Variants in NRDC observed in about 807,000 individuals in gnomAD.
NRDC encodes the protein nardilysin convertase.
In NRDC, 54 loss-of-function variants were observed where a neutral mutation model predicts 147.1. The observed-to-expected ratio is 0.37, with a 90% CI of 0.29 to 0.46. The LOEUF is 0.46. NRDC is among the 20% of genes least tolerant of loss of function. NRDC has a pLI of 1.00. For synonymous variants in NRDC, 440 were observed against 482.1 expected (o/e 0.91, Z 1.14); for missense variants, 1,082 against 1,370.6 (o/e 0.79, Z 3.33).
intron 3 of NRDC, 98 bp downstream of exon 3, chr1:51,836,033 T>C (rs966896884): frequency 1.1e-6 from 1 of 918,906 alleles, no homozygotes; most frequent in African/African-American, 1.7e-5. Flanking sequence ...AAATATATCA[T>C]ACTTCTGTCA....
chr1:51,832,194 A>G (rs1166170878), intron 4 of NRDC, among the ~76,000 whole-genome samples: 1 of 151,648 alleles, frequency 6.6e-6, no homozygotes, highest in Non-Finnish European at 1.5e-5. Context: ...TTACACGCAC[A>G]TGCTACCAAG....
At chr1:51,878,068 C>G in intron 1 of NRDC, 1 of 1,410,238 alleles carries the variant, frequency 7.1e-7, no homozygotes, top group African/African-American at 1.4e-5. Flanking sequence ...CCCATTCTGA[C>G]GTCTTACAAC....
rs528387794 is a variant in NRDC at position 51,801,977 on chromosome 1, C to A, written c.2314-1294G>T. Reference sequence around the variant, plus strand: ...AAATTTTTTGTATCTTTAGTAGAGACGGGGTTTCACTGTGTTAGCCAGGAT... The same window carrying A: ...AAATTTTTTGTATCTTTAGTAGAGAAGGGGTTTCACTGTGTTAGCCAGGAT... On this transcript the variant is annotated intron_variant, in intron 20 of 30. Coordinates refer to ENST00000352171, the MANE Select transcript of NRDC (RefSeq NM_001101662.2). 3.9e-5 allele frequency among the ~76,000 whole-genome samples: 6 copies of A among 152,142 alleles called. No individual in the cohort carries two copies. The East Asian group carries it at 1.2e-3, about 29-fold the overall frequency.
intron 1 of NRDC, among the ~76,000 whole-genome samples, chr1:51,854,967 G>C (rs1446624142): frequency 6.6e-6 from 1 of 152,172 alleles, no homozygotes; most frequent in Non-Finnish European, 1.5e-5. Context: ...TTCTTTCTGA[G>C]GGGCCTGGAG....
intron 1 of NRDC, among the ~76,000 whole-genome samples, chr1:51,855,209 C>T (rs1682173583): frequency 6.6e-6 from 1 of 152,096 alleles, no homozygotes; most frequent in Non-Finnish European, 1.5e-5. Flanking sequence ...TTTACCACTG[C>T]CTTTAAAAAC....
chr1:51,841,355 T>C (rs1426672909), intron 1 of NRDC, among the ~76,000 whole-genome samples: 1 of 152,144 alleles, frequency 6.6e-6, no homozygotes, highest in Non-Finnish European at 1.5e-5. Flanking sequence ...TTGTGTAGGC[T>C]AGAGTGCAGT....
chr1:51,839,729 A>G (rs1681172406), intron 2 of NRDC, among the ~76,000 whole-genome samples: 1 of 152,132 alleles, frequency 6.6e-6, no homozygotes. Context: ...ATCAAACTCA[A>G]TTATCTAATT....
chr1:51,836,039 T>G (rs1020116959), intron 3 of NRDC, 92 bp downstream of exon 3: 2 of 967,666 alleles, frequency 2.1e-6, no homozygotes, highest in Admixed American at 4.3e-5. Context: ...ATCATACTTC[T>G]GTCAAATCAC....
chr1:51,790,463 A>G lies in NRDC; in HGVS notation c.3168+70T>C, dbSNP rs1678563418. On this transcript the variant is annotated intron_variant, in intron 29 of 30. Transcript: ENST00000352171. ...TCTTCCACACAATGCTGGTGTGCAC[A>G]GACCTGTGATGCCTGTAGAATCAGG... 21 of 930,156 alleles carry G rather than the reference A, an allele frequency of 2.3e-5. No homozygotes were observed. In the South Asian group the frequency reaches 2.6e-4, roughly 12 times the overall value. 57.6% of individuals were successfully genotyped at this position (930,156 alleles called of 1,614,324 possible). A position where few individuals can be genotyped will look rare whatever the true frequency, so the allele number is the denominator to read the frequency against.
intron 1 of NRDC, among the ~76,000 whole-genome samples, chr1:51,842,127 C>T (rs779613716): frequency 2.6e-5 from 4 of 151,904 alleles, no homozygotes; most frequent in Admixed American, 6.6e-5. Flanking sequence ...GAGCCCAGAT[C>T]GGGCCACTTT....
chr1:51,852,790 G>A (rs1276514212), intron 1 of NRDC, among the ~76,000 whole-genome samples: 3 of 151,776 alleles, frequency 2.0e-5, no homozygotes. Context: ...AATTAAAAGG[G>A]CAATTTTATA....
intron 2 of NRDC, 21 bp from the exon 3 acceptor site, chr1:51,836,233 A>C (rs752870141): frequency 1.9e-6 from 3 of 1,611,390 alleles, no homozygotes; most frequent in Non-Finnish European, 2.5e-6. Context: ...TAGAACACAT[A>C]CAAATAGTTG....
At chr1:51,863,012 G>GA (rs1682618910) in intron 1 of NRDC, among the ~76,000 whole-genome samples, 1 of 10,382 alleles carries the variant, frequency 9.6e-5, no homozygotes, top group Non-Finnish European at 2.1e-4. Flanking sequence ...TCTGTGTGGA[G>GA]GAAAAAAAAA....
At chr1:51,859,654 T>C (rs146565178) in intron 1 of NRDC, 2 of 152,338 alleles carry the variant, frequency 1.3e-5, no homozygotes, top group African/African-American at 2.4e-5. Context: ...TTGGGTGCCA[T>C]GTGGCTACCT....
intron 13 of NRDC, 68 bp downstream of exon 13, chr1:51,814,483 A>T: frequency 6.8e-7 from 1 of 1,470,252 alleles, no homozygotes; most frequent in Non-Finnish European, 9.4e-7. Context: ...AAGCATGTCT[A>T]CCGGCAGCCT....
At position 51,799,349 on chromosome 1, in the gene NRDC, A is replaced by C. The variant is rs913386107; in HGVS notation, c.2442-938T>G. ...CTCCTAACACTATCCCTCCCCCAGCACCCCCACCCCCCAACAGGCCCTGGT... is the reference window on the plus strand; with the variant it reads ...CTCCTAACACTATCCCTCCCCCAGCCCCCCCACCCCCCAACAGGCCCTGGT... On this transcript the variant is annotated intron_variant, in intron 21 of 30. Transcript: ENST00000352171. Among the ~76,000 whole-genome samples the C allele has an allele frequency of 6.0e-4, 86 of 142,734 alleles. 2 individuals are homozygous for C. The South Asian group carries it at 0.013, about 21-fold the overall frequency. 93.6% of individuals were successfully genotyped at this position (142,734 alleles called of 152,430 possible). A position where few individuals can be genotyped will look rare whatever the true frequency, so the allele number is the denominator to read the frequency against.
At chr1:51,799,028 A>G (rs1679062110) in intron 21 of NRDC, 1 of 152,242 alleles carries the variant, frequency 6.6e-6, no homozygotes, top group Admixed American at 6.5e-5. Flanking sequence ...TAGCACAAAA[A>G]TCTTCAACAA....
intron 27 of NRDC, 22 bp from the exon 28 acceptor site, chr1:51,791,012 C>T: frequency 6.5e-7 from 1 of 1,545,018 alleles, no homozygotes; most frequent in Non-Finnish European, 8.9e-7. Context: ...CATCTTCAAT[C>T]AGAACTAAAA....
At chr1:51,857,813 CAG>C (rs1189837491) in intron 1 of NRDC, among the ~76,000 whole-genome samples, 1 of 152,086 alleles carries the variant, frequency 6.6e-6, no homozygotes, top group Admixed American at 6.6e-5. Flanking sequence ...CAGAAATTTG[CAG>C]AGATTTTTGT....
Sources: gnomAD v4.1 joint callset for allele counts (sites outside exome capture counted in the v4.1 genomes callset) on GRCh38, gnomAD v4.1.1 for gene constraint, MANE v1.5 for transcripts, NCBI Gene and HGNC (gene_info 2026-07-23, HGNC 2026-07-21) for gene names.